RNF126: variants seen among roughly 807,000 people sequenced by gnomAD.
RNF126 encodes E3 ubiquitin-protein ligase RNF126.
Under a neutral mutation model 41.9 loss-of-function variants are expected in RNF126, and 20 were observed. The observed-to-expected ratio is 0.48, with a 90% CI of 0.34 to 0.69. The LOEUF (loss-of-function observed/expected upper bound fraction) is 0.69, where lower values mean the gene tolerates loss of function less well. RNF126 is among the 30% of genes least tolerant of loss of function. The probability of loss-of-function intolerance (pLI) is 0.01; values close to 1 mark genes in which losing one functional copy is unlikely to be tolerated. For synonymous variants in RNF126, 239 were observed against 202.9 expected (o/e 1.18, Z -1.51); for missense variants, 433 against 460.6 (o/e 0.94, Z 0.55).
At chr19:658,846 A>C (rs1047823870) in intron 1 of RNF126, among the ~76,000 whole-genome samples, 1 of 152,180 alleles carries the variant, frequency 6.6e-6, no homozygotes, top group African/African-American at 2.4e-5. Flanking sequence ...ACAGGTGCCC[A>C]TCCGTGCCAG....
At chr19:651,442 G>A (rs528483390) in intron 4 of RNF126, 169 bp downstream of exon 4, 9 of 579,486 alleles carry the variant, frequency 1.6e-5, no homozygotes, top group Admixed American at 4.4e-5. Flanking sequence ...TTCTGTCTCC[G>A]AAGGGCCGTG....
intron 4 of RNF126, chr19:650,529 C>T (rs541183839): frequency 2.5e-5 from 10 of 406,562 alleles, no homozygotes; most frequent in Admixed American, 8.5e-5. Flanking sequence ...GCGATCCTCC[C>T]GCCTCAGCCT....
chr19:651,319 C>T, intron 4 of RNF126: 1 of 283,078 alleles, frequency 3.5e-6, no homozygotes, highest in Non-Finnish European at 6.5e-6. Context: ...GGGCCCAAGG[C>T]CTGGACAGCG....
chr19:648,188 G>C lies in RNF126; in HGVS notation c.876C>G (p.Ser292=), dbSNP rs1003578053. Residue 292 remains serine, a synonymous_variant, in exon 9 of 9, where the codon TCC becomes TCG. Coordinates refer to ENST00000292363, the MANE Select transcript of RNF126 (RefSeq NM_194460.3). ...PPGLTGVSFS[S]SSSSSSSSSP... is the part of the protein sequence containing the mutation. ...AGCTGGAGGAGGACGATGACGACGA[G>C]GAGGAGAAGCTCACCCCAGTGAGGC... 14 of 1,607,410 alleles carry C rather than the reference G, an allele frequency of 8.7e-6. No individual in the cohort carries two copies. Among genetic ancestry groups the C allele is most frequent in the South Asian group, 3.3e-5 (3 of 90,314 alleles).
intron 1 of RNF126, among the ~76,000 whole-genome samples, chr19:660,601 GAACA>G (rs1268007663): frequency 6.6e-6 from 1 of 152,160 alleles, no homozygotes; most frequent in Non-Finnish European, 1.5e-5. Context: ...TCCCTCCCCA[GAACA>G]AACGCCAGGT....
chr19:650,105 A>G (rs377157607), intron 5 of RNF126, 129 bp downstream of exon 5: 6 of 713,086 alleles, frequency 8.4e-6, no homozygotes, highest in Non-Finnish European at 1.3e-5. Context: ...CCAGGGGCCC[A>G]GGCTGGGGAT....
intron 1 of RNF126, among the ~76,000 whole-genome samples, chr19:656,382 A>C (rs1320468769): frequency 6.6e-6 from 1 of 152,120 alleles, no homozygotes; most frequent in Non-Finnish European, 1.5e-5. Context: ...GGCTGGGCAC[A>C]GTGGCTCACA....
chr19:659,699 C>T lies in RNF126; in HGVS notation c.75+3348G>A, dbSNP rs1370217061. Among the ~76,000 whole-genome samples, 6 of 152,002 alleles carry T rather than the reference C, an allele frequency of 3.9e-5. No individual in the cohort carries two copies. The highest frequency in any genetic ancestry group is 3.9e-4 in the East Asian group (2 of 5,174). On this transcript the variant is annotated intron_variant, in intron 1 of 8. Transcript: ENST00000292363. The surrounding 1 kb of genome is among the most constrained non-coding windows in gnomAD (Gnocchi z 4.9). ...TCCAGCTGGCCTGTCTGGTTCCTGC[C>T]GCCACACGCCCCACTCTGGCTGACG...
chr19:648,571 G>A lies in RNF126; in HGVS notation c.671-84C>T, dbSNP rs575413519. Reference sequence around the variant, plus strand: ...GGCAGGCTACTCCACAGCCTCAGCCGGAGGCCGCCCCTGAGCCCAGCGAGG... The same window carrying A: ...GGCAGGCTACTCCACAGCCTCAGCCAGAGGCCGCCCCTGAGCCCAGCGAGG... On this transcript the variant is annotated intron_variant, in intron 7 of 8. Transcript: ENST00000292363. 127 of 1,147,392 alleles carry A rather than the reference G, an allele frequency of 1.1e-4. 1 individual carries two copies. Among genetic ancestry groups the A allele is most frequent in the African/African-American group, 1.8e-4 (12 of 65,432 alleles). The allele number at this position is 1,147,392 out of a possible 1,614,324, so 71.1% of individuals were successfully genotyped here. A position where few individuals can be genotyped will look rare whatever the true frequency, so the allele number is the denominator to read the frequency against.
rs575718375 is a variant in RNF126, at chr19:653,449, G to A, written c.76-565C>T. On this transcript the variant is annotated intron_variant, in intron 1 of 8. Coordinates refer to ENST00000292363, the MANE Select transcript of RNF126 (RefSeq NM_194460.3). ...AGGACCCTGCCCAGGGACAGCCGTG[G>A]GTGAGTCCCAAAACCACGTTCACAG... Among the ~76,000 whole-genome samples the A allele has an allele frequency of 3.9e-5, 6 of 152,336 alleles. No homozygotes were observed. In the East Asian group the frequency reaches 9.6e-4, roughly 24 times the overall value.
At chr19:651,346 T>C (rs1331635002) in intron 4 of RNF126, 2 of 351,420 alleles carry the variant, frequency 5.7e-6, no homozygotes, top group Non-Finnish European at 1.0e-5. Flanking sequence ...GACACGCGTG[T>C]GGACAGCAGT....
intron 3 of RNF126, 143 bp downstream of exon 3, chr19:652,090 T>A (rs1002485651): frequency 3.6e-5 from 28 of 768,220 alleles, no homozygotes; most frequent in Non-Finnish European, 4.9e-5. Context: ...GCCGCCCCAA[T>A]CCCTGGCCCG....
intron 1 of RNF126, among the ~76,000 whole-genome samples, chr19:660,307 C>T (rs1475130707): frequency 6.6e-5 from 10 of 152,250 alleles, no homozygotes; most frequent in Non-Finnish European, 1.5e-4. Context: ...CCCAGCTGCG[C>T]GGGGCCTCAG....
intron 4 of RNF126, among the ~76,000 whole-genome samples, chr19:651,039 C>T (rs962612800): frequency 1.1e-4 from 16 of 152,172 alleles, no homozygotes; most frequent in African/African-American, 3.1e-4. Flanking sequence ...AAATTAGCCA[C>T]TTTTAAAGAT....
Position 663,055 on chromosome 19 carries a change from GC to G in RNF126, c.66del (p.Arg23AlafsTer201). Reference protein sequence around the residue: ...FCHCCSVEIVPRLPDYICPRC... With the variant: ...FCHCCSVEIVXRLPDYICPRC... ...CCCGGCCCGGGCCTCACCGGCAGGC[GC>G]GGGACGATCTCCACGGAGCAGCAGT... On this transcript the variant is annotated frameshift_variant, in exon 1 of 9. Coordinates refer to ENST00000292363, the MANE Select transcript of RNF126 (RefSeq NM_194460.3). LOFTEE classifies it high-confidence loss of function. 1.5e-6 allele frequency: 2 copies of G among 1,375,318 alleles called. No homozygotes were observed. The highest frequency in any genetic ancestry group is 1.5e-5 in the South Asian group (1 of 65,474). 85.2% of individuals were successfully genotyped at this position (1,375,318 alleles called of 1,614,324 possible). A position where few individuals can be genotyped will look rare whatever the true frequency, so the allele number is the denominator to read the frequency against.
chr19:653,599 G>A (rs558310191), intron 1 of RNF126, among the ~76,000 whole-genome samples: 43 of 152,336 alleles, frequency 2.8e-4, no homozygotes, highest in African/African-American at 5.1e-4. Flanking sequence ...CTCACAGGGC[G>A]GACTCCTCAT....
At chr19:660,626 C>G (rs771671549) in intron 1 of RNF126, among the ~76,000 whole-genome samples, 4 of 152,146 alleles carry the variant, frequency 2.6e-5, no homozygotes, top group African/African-American at 9.7e-5. Context: ...GTGCCCATTT[C>G]CCAGCATAAA....
chr19:652,139 G>C, intron 3 of RNF126, 94 bp downstream of exon 3: 1 of 1,090,958 alleles, frequency 9.2e-7, no homozygotes. Context: ...CGTGCGGGCA[G>C]GGAGAGCCGG....
chr19:655,138 C>T (rs1381381892), intron 1 of RNF126, among the ~76,000 whole-genome samples: 1 of 152,202 alleles, frequency 6.6e-6, no homozygotes, highest in East Asian at 1.9e-4. Context: ...GGCCAAACCC[C>T]ATTTCTACAA....
Sources: gnomAD v4.1 joint callset for allele counts (sites outside exome capture counted in the v4.1 genomes callset) on GRCh38, gnomAD v4.1.1 for gene constraint, Gnocchi (gnomAD v3.1) non-coding constraint, MANE v1.5 for transcripts, NCBI Gene and HGNC (gene_info 2026-07-23, HGNC 2026-07-21) for gene names.